Variants in KDM4C observed in about 807,000 individuals in gnomAD.
The protein encoded by KDM4C is lysine demethylase 4C.
In KDM4C, 81 loss-of-function variants were observed where a neutral mutation model predicts 129.3. That is an observed-to-expected ratio of 0.63 (90% CI 0.52 to 0.75). The LOEUF is 0.75. Among genes scored for constraint, KDM4C ranks in the 30% least tolerant of loss-of-function variants. The pLI is 0.00. For synonymous variants in KDM4C, 573 were observed against 456.1 expected (o/e 1.26, Z -3.26); for missense variants, 1,457 against 1,304.0 (o/e 1.12, Z -1.81).
At chr9:6,995,032 C>T (rs1043216637) in intron 12 of KDM4C, among the ~76,000 whole-genome samples, 8 of 147,890 alleles carry the variant, frequency 5.4e-5, no homozygotes, top group Non-Finnish European at 8.9e-5. Flanking sequence ...GGTGGTTGTA[C>T]AGGCTACGGT....
At chr9:6,778,942 T>C (rs187864185) in intron 1 of KDM4C, among the ~76,000 whole-genome samples, 5 of 151,536 alleles carry the variant, frequency 3.3e-5, no homozygotes, top group Admixed American at 2.0e-4. Flanking sequence ...AGCTGGTCTT[T>C]AACTCCTGAC....
chr9:6,932,640 G>A (rs1407040538), intron 8 of KDM4C, among the ~76,000 whole-genome samples: 1 of 152,162 alleles, frequency 6.6e-6, no homozygotes, highest in Non-Finnish European at 1.5e-5. Flanking sequence ...TCCCCCTGGT[G>A]CACAGCCAAA....
At chr9:7,052,163 C>G (rs1218824833) in intron 17 of KDM4C, among the ~76,000 whole-genome samples, 1 of 151,932 alleles carries the variant, frequency 6.6e-6, no homozygotes. Flanking sequence ...TTTCTTTTTT[C>G]AAATCCAAAT....
chr9:7,152,264 A>G (rs1177448689), intron 19 of KDM4C, among the ~76,000 whole-genome samples: 3 of 152,234 alleles, frequency 2.0e-5, no homozygotes, highest in African/African-American at 7.2e-5. Context: ...TATGTATGAT[A>G]GGGGAAAATT....
At chr9:6,884,305 G>A (rs1844921952) in intron 6 of KDM4C, among the ~76,000 whole-genome samples, 1 of 152,150 alleles carries the variant, frequency 6.6e-6, no homozygotes, top group Non-Finnish European at 1.5e-5. Context: ...GTAGAGCTGT[G>A]GGTAAATGTT....
At chr9:7,131,757 T>TA (rs143320349) in intron 19 of KDM4C, among the ~76,000 whole-genome samples, 5 of 151,526 alleles carry the variant, frequency 3.3e-5, no homozygotes, top group Admixed American at 6.6e-5. Context: ...CATCAGGACG[T>TA]AAAAAAAAAA....
Position 7,083,015 on chromosome 9 carries a change from G to A in KDM4C, c.2425-20670G>A, listed in dbSNP as rs552107853. Among the ~76,000 whole-genome samples the A allele has an allele frequency of 2.0e-5, 3 of 152,254 alleles. No individual in the cohort carries two copies. The South Asian group carries it at 6.2e-4, about 32-fold the overall frequency. On this transcript the variant is annotated intron_variant, in intron 17 of 21. Coordinates refer to ENST00000381309, the MANE Select transcript of KDM4C (RefSeq NM_015061.6). ...TCTCTATTATCTATTTTTATGAAGT[G>A]CTTGCATTTTTTAAATTATTTATCG...
At chr9:6,963,690 C>T (rs780586463) in intron 8 of KDM4C, among the ~76,000 whole-genome samples, 11 of 152,206 alleles carry the variant, frequency 7.2e-5, no homozygotes, top group East Asian at 1.9e-4. Context: ...GAGATCCATT[C>T]CTTCTCTTGC....
At position 6,950,409 on chromosome 9, in the gene KDM4C, A is replaced by G. The variant is rs145078618; in HGVS notation, c.922-30516A>G. 4.6e-3 allele frequency among the ~76,000 whole-genome samples: 700 copies of G among 152,188 alleles called. 7 individuals carry two copies. Among genetic ancestry groups the G allele is most frequent in the Non-Finnish European group, 6.3e-3 (426 of 68,002 alleles). ...TTGGTTTTATTTTTCCCTGTCTTTG[A>G]GAGTGCAGCCTCTAGGTATGGGGTA... On this transcript the variant is annotated intron_variant, in intron 8 of 21. Coordinates refer to ENST00000381309, the MANE Select transcript of KDM4C (RefSeq NM_015061.6).
At chr9:6,887,112 C>G (rs1845428578) in intron 6 of KDM4C, among the ~76,000 whole-genome samples, 1 of 152,218 alleles carries the variant, frequency 6.6e-6, no homozygotes, top group African/African-American at 2.4e-5. Context: ...CCATGATTCT[C>G]TGTCTTTTCC....
intron 12 of KDM4C, among the ~76,000 whole-genome samples, chr9:7,003,733 C>T (rs981951935): frequency 2.0e-5 from 3 of 152,068 alleles, no homozygotes; most frequent in African/African-American, 4.8e-5. Flanking sequence ...ACCTAAAGTC[C>T]TGTAATTTTT....
chr9:6,832,650 C>T (rs1361192798), intron 4 of KDM4C, among the ~76,000 whole-genome samples: 1 of 150,936 alleles, frequency 6.6e-6, no homozygotes, highest in Non-Finnish European at 1.5e-5. Flanking sequence ...TGGTCTCGAT[C>T]TCCTGACCAC....
intron 5 of KDM4C, among the ~76,000 whole-genome samples, chr9:6,865,007 TC>T (rs1363429891): frequency 1.1e-4 from 15 of 140,514 alleles, no homozygotes; most frequent in African/African-American, 3.2e-4. Flanking sequence ...TAAATTTCTT[TC>T]TTTTTTTTTT....
Position 7,083,711 on chromosome 9 carries a change from ATGTG to A in KDM4C, c.2425-19940_2425-19937del, listed in dbSNP as rs142609948. Among the ~76,000 whole-genome samples, 281 of 143,322 alleles carry A rather than the reference ATGTG, an allele frequency of 2.0e-3. 3 individuals are homozygous for A. Among genetic ancestry groups the A allele is most frequent in the African/African-American group, 5.5e-3 (208 of 38,034 alleles). The allele number at this position is 143,322 out of a possible 152,430, so 94.0% of individuals were successfully genotyped here. A position where few individuals can be genotyped will look rare whatever the true frequency, so the allele number is the denominator to read the frequency against. Reference sequence around the variant, plus strand: ...AAACGTCCCATGTAGCACATGACTGATGTGTGTGTGTGTGTGTGTGTGTGTGTGT... The same window carrying A: ...AAACGTCCCATGTAGCACATGACTGATGTGTGTGTGTGTGTGTGTGTGTGT... On this transcript the variant is annotated intron_variant, in intron 17 of 21. Coordinates refer to ENST00000381309, the MANE Select transcript of KDM4C (RefSeq NM_015061.6).
intron 18 of KDM4C, among the ~76,000 whole-genome samples, chr9:7,125,522 A>G (rs953207422): frequency 6.6e-6 from 1 of 152,230 alleles, no homozygotes; most frequent in Admixed American, 6.5e-5. Context: ...TAGTGAATGA[A>G]TGACTCTCTG....
intron 15 of KDM4C, among the ~76,000 whole-genome samples, chr9:7,041,673 G>A (rs908161234): frequency 1.3e-5 from 2 of 151,884 alleles, no homozygotes; most frequent in African/African-American, 4.8e-5. Flanking sequence ...TTCCTACAGT[G>A]GGGTGAAGTC....
intron 1 of KDM4C, among the ~76,000 whole-genome samples, chr9:6,788,941 T>A (rs910749516): frequency 1.3e-5 from 2 of 152,092 alleles, no homozygotes; most frequent in African/African-American, 4.8e-5. Context: ...TTTGCTTGTT[T>A]ACAGAAGCAC....
intron 15 of KDM4C, among the ~76,000 whole-genome samples, chr9:7,034,777 A>G (rs1057450665): frequency 6.6e-6 from 1 of 152,190 alleles, no homozygotes; most frequent in African/African-American, 2.4e-5. Context: ...TGGCTTTACT[A>G]GTTTACATTC....
At chr9:6,805,141 C>T (rs1340363315) in intron 2 of KDM4C, among the ~76,000 whole-genome samples, 3 of 152,134 alleles carry the variant, frequency 2.0e-5, no homozygotes, top group Non-Finnish European at 2.9e-5. Context: ...CGTGGTGATC[C>T]GCCTGCCTCG....
Sources: allele counts gnomAD v4.1 joint callset (sites outside exome capture counted in the v4.1 genomes callset), GRCh38; gene constraint gnomAD v4.1.1; transcripts MANE v1.5; gene names NCBI Gene and HGNC (gene_info 2026-07-23, HGNC 2026-07-21).